The following ARID5B variants were observed in gnomAD, a reference collection of about 807,000 sequenced individuals.
ARID5B encodes the protein AT-rich interaction domain 5B.
Under a neutral mutation model 97.2 loss-of-function variants are expected in ARID5B, and 13 were observed. The observed-to-expected ratio is 0.13, with a 90% CI of 0.09 to 0.21. The LOEUF (loss-of-function observed/expected upper bound fraction) is 0.21. ARID5B is among the 10% of genes least tolerant of loss of function. The pLI is 1.00. For missense variants in ARID5B, 1,210 were observed against 1,465.3 expected (o/e 0.83, Z 2.84); for synonymous variants, 556 against 570.3 (o/e 0.97, Z 0.36).
intron 4 of ARID5B, among the ~76,000 whole-genome samples, chr10:62,010,284 G>A (rs1233190528): frequency 3.9e-5 from 6 of 152,156 alleles, no homozygotes; most frequent in Non-Finnish European, 8.8e-5. Context: ...AGTCACTTCA[G>A]AATAATCATC....
At chr10:61,973,258 G>A (rs1351956237) in intron 3 of ARID5B, among the ~76,000 whole-genome samples, 5 of 152,196 alleles carry the variant, frequency 3.3e-5, no homozygotes, top group Non-Finnish European at 7.3e-5. Flanking sequence ...TCCAGTCTCT[G>A]CTCTTACAGG....
intron 4 of ARID5B, among the ~76,000 whole-genome samples, chr10:62,023,292 A>G (rs1040690728): frequency 6.6e-6 from 1 of 152,224 alleles, no homozygotes; most frequent in African/African-American, 2.4e-5. Flanking sequence ...ATTTAGGGCA[A>G]GGCACTCTTC....
At chr10:62,085,670 C>G (rs1175424669) in intron 8 of ARID5B, 32 bp from the exon 9 acceptor site, 1 of 1,561,076 alleles carries the variant, frequency 6.4e-7, no homozygotes, top group East Asian at 2.2e-5. Flanking sequence ...AATTACTCAA[C>G]TGACCGATCA....
intron 4 of ARID5B, among the ~76,000 whole-genome samples, chr10:62,041,125 C>G (rs1208376936): frequency 6.6e-6 from 1 of 152,178 alleles, no homozygotes; most frequent in Non-Finnish European, 1.5e-5. Flanking sequence ...TCTCCACGCC[C>G]ACTCCAGGCC....
At chr10:61,934,746 G>A (rs974351293) in intron 2 of ARID5B, among the ~76,000 whole-genome samples, 6 of 152,142 alleles carry the variant, frequency 3.9e-5, no homozygotes, top group Non-Finnish European at 8.8e-5. Context: ...TGGGTGCGGT[G>A]GCTCACACCT....
chr10:61,970,616 G>A (rs1267860958), intron 3 of ARID5B, among the ~76,000 whole-genome samples: 3 of 152,182 alleles, frequency 2.0e-5, no homozygotes, highest in Non-Finnish European at 2.9e-5. Context: ...TGGCAAGAGC[G>A]CCGAGGAGGT....
rs1330069040 is a variant in ARID5B at position 61,935,118 on chromosome 10, G to A, written c.277-5065G>A. 5.9e-5 allele frequency among the ~76,000 whole-genome samples: 9 copies of A among 151,828 alleles called. No individual in the cohort carries two copies. In the South Asian group the frequency reaches 1.0e-3, roughly 18 times the overall value. Reference sequence around the variant, plus strand: ...AAAATGTGACCTGGAGACACAAAGCGAGCACCTCCTGTTGGAAAAATGGGG... The same window carrying A: ...AAAATGTGACCTGGAGACACAAAGCAAGCACCTCCTGTTGGAAAAATGGGG... On this transcript the variant is annotated intron_variant, in intron 2 of 9. Transcript: ENST00000279873.
At chr10:62,075,312 A>T (rs904272932) in intron 8 of ARID5B, among the ~76,000 whole-genome samples, 1 of 151,364 alleles carries the variant, frequency 6.6e-6, no homozygotes, top group Non-Finnish European at 1.5e-5. Context: ...TCCAATATTT[A>T]AAAAAATATT....
At chr10:61,938,753 A>C (rs1844347468) in intron 2 of ARID5B, among the ~76,000 whole-genome samples, 1 of 152,074 alleles carries the variant, frequency 6.6e-6, no homozygotes, top group Non-Finnish European at 1.5e-5. Context: ...GGATTCCATT[A>C]CTAAAGTTTT....
intron 4 of ARID5B, among the ~76,000 whole-genome samples, chr10:62,033,470 T>C (rs1839522685): frequency 6.6e-6 from 1 of 152,218 alleles, no homozygotes; most frequent in African/African-American, 2.4e-5. Context: ...CTTGTCAGCA[T>C]AGACAACAGT....
At chr10:61,975,030 C>G (rs552351051) in intron 3 of ARID5B, among the ~76,000 whole-genome samples, 1 of 151,834 alleles carries the variant, frequency 6.6e-6, no homozygotes, top group African/African-American at 2.4e-5. Flanking sequence ...CTGGAGTGAC[C>G]TTTTAGGAAA....
intron 3 of ARID5B, among the ~76,000 whole-genome samples, chr10:61,975,091 G>C (rs1838681354): frequency 6.6e-6 from 1 of 151,928 alleles, no homozygotes; most frequent in African/African-American, 2.4e-5. Context: ...ACATTTTTGA[G>C]TTATTAATTT....
intron 9 of ARID5B, among the ~76,000 whole-genome samples, chr10:62,089,519 CTTCT>C (rs1336504941): frequency 4.2e-4 from 56 of 133,402 alleles, no homozygotes; most frequent in African/African-American, 1.4e-3. Flanking sequence ...TCCCTCCTTC[CTTCT>C]TTTTCTTTTT....
intron 2 of ARID5B, among the ~76,000 whole-genome samples, chr10:61,928,588 T>G (rs7909873): frequency 6.6e-6 from 1 of 152,054 alleles, no homozygotes; most frequent in Non-Finnish European, 1.5e-5. Flanking sequence ...CCACCGTACC[T>G]GCCCCCCAAC....
chr10:61,938,148 G>A (rs1844338273), intron 2 of ARID5B, among the ~76,000 whole-genome samples: 1 of 152,080 alleles, frequency 6.6e-6, no homozygotes, highest in South Asian at 2.1e-4. Flanking sequence ...CATAAAAGAT[G>A]GGTTTATTCA....
chr10:62,004,779 C>G (rs1339595328), intron 4 of ARID5B, among the ~76,000 whole-genome samples: 1 of 152,172 alleles, frequency 6.6e-6, no homozygotes, highest in Non-Finnish European at 1.5e-5. Flanking sequence ...ATTAATATCA[C>G]ACAGATTGAT....
chr10:61,962,565 G>T (rs1253299862), intron 3 of ARID5B, among the ~76,000 whole-genome samples: 1 of 152,220 alleles, frequency 6.6e-6, no homozygotes, highest in Non-Finnish European at 1.5e-5. Flanking sequence ...TGTAGTGAAG[G>T]CCATCTTCAA....
intron 9 of ARID5B, among the ~76,000 whole-genome samples, chr10:62,088,447 T>A (rs748398202): frequency 6.6e-6 from 1 of 152,220 alleles, no homozygotes; most frequent in African/African-American, 2.4e-5. Context: ...CTTTAGCCTA[T>A]GCACTGAGCC....
intron 2 of ARID5B, among the ~76,000 whole-genome samples, chr10:61,931,181 T>C (rs1170052160): frequency 1.3e-5 from 2 of 152,304 alleles, no homozygotes; most frequent in African/African-American, 4.8e-5. Context: ...ACACTCAACT[T>C]ATTGAGGGCC....
Sources: allele counts gnomAD v4.1 joint callset (sites outside exome capture counted in the v4.1 genomes callset), GRCh38; gene constraint gnomAD v4.1.1; transcripts MANE v1.5; gene names NCBI Gene and HGNC (gene_info 2026-07-23, HGNC 2026-07-21).